KIAA1210: variants seen among roughly 807,000 people sequenced by gnomAD.
KIAA1210 encodes acrosomal protein KIAA1210.
Under a neutral mutation model 78.9 loss-of-function variants are expected in KIAA1210, and 48 were observed. The ratio of observed to expected loss-of-function variants is 0.61; its 90% confidence interval spans 0.48 to 0.77. KIAA1210 has a LOEUF of 0.77. Ranked by LOEUF, KIAA1210 falls within the 30% of genes least tolerant of loss-of-function variation. KIAA1210 has a pLI of 0.00. For missense variants in KIAA1210, 1,108 were observed against 1,100.0 expected (o/e 1.01, Z -0.10); for synonymous variants, 406 against 404.5 (o/e 1.00, Z -0.04).
chrX:119,147,394 G>A, intron 2 of KIAA1210: 1 of 1,132,638 alleles, frequency 8.8e-7, no homozygotes, highest in Non-Finnish European at 1.2e-6. Context: ...CAGCCAAGGG[G>A]AGCAGGCTGA....
At chrX:119,105,482 C>T (rs1290524031) in intron 5 of KIAA1210, among the ~76,000 whole-genome samples, 1 of 112,094 alleles carries the variant, frequency 8.9e-6, no homozygotes, top group Non-Finnish European at 1.9e-5. Flanking sequence ...ATACAAATCT[C>T]ATTTAGTTCT....
At chrX:119,150,327 G>A in exon 1 of KIAA1210, 1 of 1,207,431 alleles carries the variant, frequency 8.3e-7, no homozygotes. Flanking sequence ...GGTGTGCAGG[G>A]CAGGAAGCCC....
chrX:119,144,736 A>T, intron 2 of KIAA1210, among the ~76,000 whole-genome samples: 1 of 112,313 alleles, frequency 8.9e-6, no homozygotes, highest in Non-Finnish European at 1.9e-5. Flanking sequence ...TCAAATTCTT[A>T]CTGTGCTAGA....
At chrX:119,140,692 T>A (rs1361466029) in intron 2 of KIAA1210, among the ~76,000 whole-genome samples, 1 of 111,866 alleles carries the variant, frequency 8.9e-6, no homozygotes, top group Non-Finnish European at 1.9e-5. Flanking sequence ...ATAAAATAAG[T>A]CTCAGGATCA....
chrX:119,100,769 T>A (rs778510498), intron 6 of KIAA1210, among the ~76,000 whole-genome samples: 27 of 112,013 alleles, frequency 2.4e-4, no homozygotes, highest in Non-Finnish European at 1.9e-4. Context: ...TTTCCCACAC[T>A]CTATGTCCAC....
Position 119,081,318 on chromosome X carries a change from A to C in KIAA1210, c.*11T>G. The stretch of plus-strand genomic sequence containing the variant: ...AATAAAATAAATGCTGATGCTCCAC[A>C]CAAGAGCTCTTTATTGCGTGATTTC... On this transcript the variant is annotated 3_prime_UTR_variant, in exon 12 of 12. Transcript: ENST00000691062. The C allele has an allele frequency of 7.9e-6, 9 of 1,144,168 alleles. No homozygotes were observed. Among genetic ancestry groups the C allele is most frequent in the Non-Finnish European group, 1.1e-5 (9 of 853,724 alleles). The allele number at this position is 1,144,168 out of a possible 1,213,427, so 94.3% of individuals were successfully genotyped here.
chrX:119,097,070 A>C (rs903356020), intron 6 of KIAA1210, among the ~76,000 whole-genome samples: 1 of 111,802 alleles, frequency 8.9e-6, no homozygotes. Flanking sequence ...GAGAGGAACA[A>C]TTGGTATCAG....
chrX:119,138,770 A>G (rs891006222), intron 2 of KIAA1210, among the ~76,000 whole-genome samples: 1 of 111,660 alleles, frequency 9.0e-6, no homozygotes, highest in Admixed American at 9.5e-5. Context: ...GGGCTTCTCT[A>G]AACTTCAGGC....
intron 6 of KIAA1210, among the ~76,000 whole-genome samples, chrX:119,098,602 G>A (rs780482493): frequency 8.9e-4 from 63 of 71,137 alleles, no homozygotes; most frequent in African/African-American, 3.9e-3. Context: ...GAGAGACTCC[G>A]TCAAAAAAAA....
intron 1 of KIAA1210, among the ~76,000 whole-genome samples, chrX:119,149,282 TG>T: frequency 9.0e-6 from 1 of 111,613 alleles, no homozygotes; most frequent in South Asian, 3.8e-4. Context: ...TTTACTGGCC[TG>T]GTCACCCCCT....
At chrX:119,150,648 C>T, upstream of KIAA1210, 1 of 1,066,087 alleles carries the variant, frequency 9.4e-7, no homozygotes, top group Non-Finnish European at 1.3e-6. Flanking sequence ...GGGTTGAGGA[C>T]TCTCCCGCTG....
intron 5 of KIAA1210, among the ~76,000 whole-genome samples, chrX:119,107,918 C>T (rs1015024653): frequency 9.0e-6 from 1 of 111,607 alleles, no homozygotes; most frequent in African/African-American, 3.3e-5. Context: ...GGATCCCTAC[C>T]ATAAGTTTAG....
intron 2 of KIAA1210, among the ~76,000 whole-genome samples, chrX:119,120,961 C>T (rs1007946304): frequency 1.1e-3 from 124 of 111,063 alleles, no homozygotes; most frequent in African/African-American, 3.8e-3. Flanking sequence ...ATGTCAGTAG[C>T]AAGGGTCTAT....
At chrX:119,125,729 A>ATTTTTT (rs1431966696) in intron 1 of KIAA1210, among the ~76,000 whole-genome samples, 3 of 7,136 alleles carry the variant, frequency 4.2e-4, no homozygotes, top group African/African-American at 6.0e-4. Context: ...ATATATATAT[A>ATTTTTT]TATATATTTT....
Position 119,092,682 on chromosome X carries a change from A to T in KIAA1210, c.955+985T>A, listed in dbSNP as rs2316005. Among the ~76,000 whole-genome samples, 630 of 109,367 alleles carry T rather than the reference A, an allele frequency of 5.8e-3. 9 individuals carry two copies. The highest frequency in any genetic ancestry group is 0.02 in the African/African-American group (602 of 30,027). The allele number at this position is 109,367 out of a possible 115,157, so 95.0% of individuals were successfully genotyped here. On this transcript the variant is annotated intron_variant, in intron 8 of 11. Transcript: ENST00000691062. ...AGGCTGAGGCAGGAGAATTGCTTGA[A>T]CTAGGGAGGTGGAGGTTGCAGTGAG...
chrX:119,127,247 G>A (rs1330057996), intron 1 of KIAA1210, among the ~76,000 whole-genome samples: 1 of 109,247 alleles, frequency 9.2e-6, no homozygotes, highest in African/African-American at 3.3e-5. Context: ...AGAAGCCTGT[G>A]GGAAAAAAAG....
intron 2 of KIAA1210, among the ~76,000 whole-genome samples, chrX:119,120,335 T>C (rs1323673888): frequency 1.8e-5 from 2 of 112,272 alleles, no homozygotes; most frequent in African/African-American, 3.2e-5. Context: ...CAAAATCCCA[T>C]AGTGGAAGAG....
intron 7 of KIAA1210, 107 bp downstream of exon 7, chrX:119,096,387 G>A: frequency 1.4e-6 from 1 of 730,665 alleles, no homozygotes; most frequent in Non-Finnish European, 2.0e-6. Flanking sequence ...GCTTACTTAG[G>A]GCATGAGTCT....
At chrX:119,130,071 A>C (rs1472334707), upstream of KIAA1210, among the ~76,000 whole-genome samples, 6 of 112,197 alleles carry the variant, frequency 5.3e-5, no homozygotes, top group South Asian at 1.5e-3. Flanking sequence ...GTCACCTCAC[A>C]ATCTCAAAAA....
Sources: gnomAD v4.1 joint callset for allele counts (sites outside exome capture counted in the v4.1 genomes callset) on GRCh38, gnomAD v4.1.1 for gene constraint, MANE v1.5 for transcripts, NCBI Gene and HGNC (gene_info 2026-07-23, HGNC 2026-07-21) for gene names.